PCDHB13: variants seen among roughly 807,000 people sequenced by gnomAD.
The protein encoded by PCDHB13 is protocadherin beta 13.
For synonymous variants in PCDHB13, 515 were observed against 450.7 expected, an observed-to-expected ratio of 1.14 and a Z score of -1.81; for missense variants, 1,065 against 1,016.7, an observed-to-expected ratio of 1.05 and a Z score of -0.65.
In PCDHB13 at chr5:141,214,929, A is replaced by T; in HGVS notation, c.806A>T (p.Asp269Val). 6.2e-7 allele frequency: 1 copy of T among 1,614,190 alleles called. No homozygotes were observed. Among genetic ancestry groups the T allele is most frequent in the Non-Finnish European group, 8.5e-7 (1 of 1,180,036 alleles). ...GFLVVKVSATDVDTGVNGEIS... is the reference protein window; with the variant it reads ...GFLVVKVSATVVDTGVNGEIS... Reference sequence around the variant, plus strand: ...CTGGTTGTGAAGGTCTCTGCCACGGATGTAGACACAGGAGTCAACGGAGAG... The same window carrying T: ...CTGGTTGTGAAGGTCTCTGCCACGGTTGTAGACACAGGAGTCAACGGAGAG... Residue 269 changes from aspartate (D) to valine (V), a missense_variant, in exon 1 of 1, where the codon GAT (aspartate) becomes GTT (valine). Asp to Val is a radical substitution (Grantham distance 152, BLOSUM62 -3). Transcript: ENST00000341948.
rs1588390141 is a variant in PCDHB13, at chr5:141,214,357, C to T, written c.234C>T (p.Leu78=). Residue 78 remains leucine, a synonymous_variant, in exon 1 of 1, where the codon CTC becomes CTT. Coordinates refer to ENST00000341948, the MANE Select transcript of PCDHB13 (RefSeq NM_018933.4). ...GAGGGAACAAACTACATTTGCAGCT[C>T]AATCAGGAGACCGCGGATTTGTTGC... ...VSRGNKLHLQ[L]NQETADLLLN... The T allele has an allele frequency of 7.2e-7, 1 of 1,386,062 alleles. No individual in the cohort carries two copies. Among genetic ancestry groups the T allele is most frequent in the Non-Finnish European group, 1.0e-6 (1 of 990,000 alleles). The allele number at this position is 1,386,062 out of a possible 1,614,324, so 85.9% of individuals were successfully genotyped here. A position where few individuals can be genotyped will look rare whatever the true frequency, so the allele number is the denominator to read the frequency against.
chr5:141,216,628 G>A lies in PCDHB13; in HGVS notation c.*108G>A. On this transcript the variant is annotated 3_prime_UTR_variant, in exon 1 of 1. Coordinates refer to ENST00000341948, the MANE Select transcript of PCDHB13 (RefSeq NM_018933.4). ...TGTAATATTGTACGGATTTACTCTT[G>A]ATTTTTCTCATGTTCTTTCTCCCTT... The A allele has an allele frequency of 1.0e-6, 1 of 990,814 alleles. No individual in the cohort carries two copies. The highest frequency in any genetic ancestry group is 1.6e-6 in the Non-Finnish European group (1 of 612,500). 61.4% of individuals were successfully genotyped at this position (990,814 alleles called of 1,614,324 possible). A position where few individuals can be genotyped will look rare whatever the true frequency, so the allele number is the denominator to read the frequency against.
rs1554288181 is a variant in PCDHB13 at position 141,216,316 on chromosome 5, C to G, written c.2193C>G (p.Pro731=). Residue 731 remains proline, a synonymous_variant, in exon 1 of 1, where the codon CCC becomes CCG. Transcript: ENST00000341948. ...SVGRCLVPEG[P]LPGHLVDMSG... ...GTCGCTGCTTGGTGCCCGAGGGCCC[C>G]CTTCCAGGGCATCTTGTGGACATGA... 5.0e-6 allele frequency: 8 copies of G among 1,614,132 alleles called. No individual in the cohort carries two copies. Among genetic ancestry groups the G allele is most frequent in the Non-Finnish European group, 6.8e-6 (8 of 1,180,020 alleles).
At position 141,216,473 on chromosome 5, in the gene PCDHB13, C is replaced by A; in HGVS notation, c.2350C>A (p.Gln784Lys). 1 of 1,614,032 alleles carries A rather than the reference C, an allele frequency of 6.2e-7. No homozygotes were observed. Among genetic ancestry groups the A allele is most frequent in the Non-Finnish European group, 8.5e-7 (1 of 1,180,002 alleles). Residue 784 changes from glutamine (Q) to lysine (K), a missense_variant, in exon 1 of 1, where the codon CAA becomes AAA. Transcript: ENST00000341948. ...TCCCCAGTGCCCTGGGAAAGAAATACAAGGAAATTCTACCTTCCCCAATAA... is the reference window on the plus strand; with the variant it reads ...TCCCCAGTGCCCTGGGAAAGAAATAAAAGGAAATTCTACCTTCCCCAATAA... The part of the protein sequence containing the change: ...FPPQCPGKEI[Q>K]GNSTFPNNFG...
rs990095682 is a variant in PCDHB13 at position 141,218,711 on chromosome 5, C to T, written c.*2191C>T. 3.8e-5 allele frequency: 6 copies of T among 157,146 alleles called. No individual in the cohort carries two copies. The highest frequency in any genetic ancestry group is 1.4e-4 in the African/African-American group (6 of 41,396). The allele number at this position is 157,146 out of a possible 1,614,324, so 9.7% of individuals were successfully genotyped here. A position where few individuals can be genotyped will look rare whatever the true frequency, so the allele number is the denominator to read the frequency against. ...GCGCGATCTCGGCTCACTGCAAGCT[C>T]CGCCTCCTGGGTTCCCGCCATTCTC... On this transcript the variant is annotated 3_prime_UTR_variant, in exon 1 of 1. Coordinates refer to ENST00000341948, the MANE Select transcript of PCDHB13 (RefSeq NM_018933.4).
rs1754556517 is a variant in PCDHB13, at chr5:141,215,070, A to G, written c.947A>G (p.Tyr316Cys). The change falls in exon 1 of 1, where the codon TAT (tyrosine) becomes TGT (cysteine). Residue 316 changes from tyrosine to cysteine, a missense_variant. Physicochemically the swap from Tyr to Cys is radical, Grantham distance 194. Coordinates refer to ENST00000341948, the MANE Select transcript of PCDHB13 (RefSeq NM_018933.4). ...KQLDFEKLQS[Y>C]EVNIEARDAG... ...CTCGATTTCGAAAAACTTCAGTCCT[A>G]TGAAGTCAATATTGAGGCAAGAGAT... 1.2e-5 allele frequency: 19 copies of G among 1,614,100 alleles called. No individual in the cohort carries two copies. Among genetic ancestry groups the G allele is most frequent in the Non-Finnish European group, 1.5e-5 (18 of 1,180,038 alleles).
In PCDHB13 at chr5:141,215,123, G is replaced by T. The variant is rs782354480; in HGVS notation, c.1000G>T (p.Val334Phe). 3.3e-5 allele frequency: 54 copies of T among 1,614,010 alleles called. No homozygotes were observed. The highest frequency in any genetic ancestry group is 2.2e-5 in the Non-Finnish European group (26 of 1,180,040). Residue 334 changes from valine (V) to phenylalanine (F), a missense_variant, in exon 1 of 1, where the codon GTT (valine) becomes TTT (phenylalanine). Val to Phe is a conservative substitution (Grantham distance 50, BLOSUM62 -1). Transcript: ENST00000341948. ...TGGAACCTTTTCTGGAAAATGCACC[G>T]TTCTGATTCAAGTGATAGATGTGAA... ...DAGTFSGKCT[V>F]LIQVIDVNDH...
In PCDHB13 at chr5:141,215,204, G is replaced by A. The variant is rs145748739; in HGVS notation, c.1081G>A (p.Ala361Thr). ...SAFTSPIPEN[A>T]PETVVALFSV... ...ATTTACCAGCCCAATACCTGAGAAC[G>A]CGCCTGAAACTGTGGTTGCACTTTT... Residue 361 changes from alanine (A) to threonine (T), a missense_variant, in exon 1 of 1, where the codon GCG (alanine) becomes ACG (threonine). Ala to Thr is a moderately conservative substitution (Grantham distance 58, BLOSUM62 0). Coordinates refer to ENST00000341948, the MANE Select transcript of PCDHB13 (RefSeq NM_018933.4). 3.4e-4 allele frequency: 547 copies of A among 1,614,134 alleles called. No homozygotes were observed. Among genetic ancestry groups the A allele is most frequent in the Non-Finnish European group, 4.5e-4 (527 of 1,180,042 alleles).
Position 141,214,410 on chromosome 5 carries a change from T to C in PCDHB13, c.287T>C (p.Leu96Pro). The C allele has an allele frequency of 2.1e-6, 3 of 1,425,074 alleles. No homozygotes were observed. The highest frequency in any genetic ancestry group is 3.0e-6 in the Non-Finnish European group (3 of 1,014,728). The allele number at this position is 1,425,074 out of a possible 1,614,324, so 88.3% of individuals were successfully genotyped here. A position where few individuals can be genotyped will look rare whatever the true frequency, so the allele number is the denominator to read the frequency against. ...AATGAGAAATTGGACCGTGAGGATCTGTGCGGTCACACAGAGCCCTGTGTG... is the reference window on the plus strand; with the variant it reads ...AATGAGAAATTGGACCGTGAGGATCCGTGCGGTCACACAGAGCCCTGTGTG... The part of the protein sequence containing the change: ...LLNEKLDRED[L>P]CGHTEPCVLR... The change falls in exon 1 of 1, where the codon CTG becomes CCG. Residue 96 changes from leucine (L) to proline (P), a missense_variant. Physicochemically the swap from Leu to Pro is moderately conservative, Grantham distance 98. Coordinates refer to ENST00000341948, the MANE Select transcript of PCDHB13 (RefSeq NM_018933.4).
rs376494523 is a variant in PCDHB13 at position 141,215,432 on chromosome 5, A to T, written c.1309A>T (p.Met437Leu). ...GTPMLITQLNMTVLIADVNDN... is the reference protein window; with the variant it reads ...GTPMLITQLNLTVLIADVNDN... ...CCCTATGCTGATAACACAGCTCAAT[A>T]TGACCGTGCTGATCGCCGATGTCAA... Residue 437 changes from methionine to leucine, a missense_variant, in exon 1 of 1, where the codon ATG becomes TTG. By Grantham distance (15) the Met-to-Leu change is conservative. Coordinates refer to ENST00000341948, the MANE Select transcript of PCDHB13 (RefSeq NM_018933.4). 1.7e-4 allele frequency: 273 copies of T among 1,614,010 alleles called. 1 individual carries two copies. The highest frequency in any genetic ancestry group is 1.6e-3 in the Middle Eastern group (10 of 6,084).
rs2910332 is a variant in PCDHB13, at chr5:141,216,590, C to T, written c.*70C>T. 0.15 allele frequency: 187,642 copies of T among 1,248,140 alleles called. 15,650 individuals are homozygous for T. The highest frequency in any genetic ancestry group is 0.19 in the Middle Eastern group (1,012 of 5,388). 77.3% of individuals were successfully genotyped at this position (1,248,140 alleles called of 1,614,324 possible). A position where few individuals can be genotyped will look rare whatever the true frequency, so the allele number is the denominator to read the frequency against. On this transcript the variant is annotated 3_prime_UTR_variant, in exon 1 of 1. Transcript: ENST00000341948. ...TTTCCATGCCAATGTTTATTTCCCC[C>T]AATTTGTGTGTATGTAATATTGTAC...
Position 141,215,682 on chromosome 5 carries a change from A to G in PCDHB13, c.1559A>G (p.Asp520Gly). The G allele has an allele frequency of 9.3e-6, 15 of 1,613,134 alleles. No individual in the cohort carries two copies. The highest frequency in any genetic ancestry group is 1.3e-5 in the African/African-American group (1 of 75,052). The change falls in exon 1 of 1, where the codon GAC becomes GGC. Residue 520 changes from aspartate to glycine, a missense_variant. Asp to Gly is a moderately conservative substitution (Grantham distance 94). Coordinates refer to ENST00000341948, the MANE Select transcript of PCDHB13 (RefSeq NM_018933.4). ...NGHLFALRSL[D>G]YEALQGFQFR... ...CACCTGTTCGCCCTCAGGTCTCTGG[A>G]CTACGAGGCCCTGCAGGGGTTCCAG...
rs1754559418 is a variant in PCDHB13, at chr5:141,215,152, C to T, written c.1029C>T (p.Asp343=). ...TVLIQVIDVN[D]HAPEVTMSAF... is the part of the protein sequence containing the mutation. The stretch of plus-strand genomic sequence containing the variant: ...TGATTCAAGTGATAGATGTGAACGA[C>T]CATGCCCCAGAAGTTACCATGTCTG... The change falls in exon 1 of 1, where the codon GAC becomes GAT. Residue 343 remains aspartate, a synonymous_variant. Transcript: ENST00000341948. 6.2e-7 allele frequency: 1 copy of T among 1,614,054 alleles called. No homozygotes were observed. Among genetic ancestry groups the T allele is most frequent in the South Asian group, 1.1e-5 (1 of 91,086 alleles).
chr5:141,214,255 C>G lies in PCDHB13; in HGVS notation c.132C>G (p.Ser44=). Residue 44 remains serine (S), a synonymous_variant, in exon 1 of 1, where the codon TCC becomes TCG. Coordinates refer to ENST00000341948, the MANE Select transcript of PCDHB13 (RefSeq NM_018933.4). ...YSVVEETEGS[S]FVTNLAKDLG... ...TGGTGGAGGAAACTGAGGGCAGCTC[C>G]TTTGTCACCAATTTAGCAAAGGACC... is the stretch of plus-strand genomic sequence containing the variant. 1 of 1,583,746 alleles carries G rather than the reference C, an allele frequency of 6.3e-7. No homozygotes were observed. The highest frequency in any genetic ancestry group is 1.4e-5 in the African/African-American group (1 of 72,762).
At position 141,216,396 on chromosome 5, in the gene PCDHB13, G is replaced by C. The variant is rs1754616003; in HGVS notation, c.2273G>C (p.Gly758Ala). The change falls in exon 1 of 1, where the codon GGC (glycine) becomes GCC (alanine). Residue 758 changes from glycine to alanine, a missense_variant. Coordinates refer to ENST00000341948, the MANE Select transcript of PCDHB13 (RefSeq NM_018933.4). ...SYQYEVCLAG[G>A]SGTNEFKFLK... ...CAGTATGAGGTGTGTCTGGCAGGAG[G>C]CTCAGGGACCAATGAGTTCAAGTTC... is the stretch of plus-strand genomic sequence containing the variant. The C allele has an allele frequency of 1.2e-6, 2 of 1,614,036 alleles. No individual in the cohort carries two copies. Among genetic ancestry groups the C allele is most frequent in the African/African-American group, 2.7e-5 (2 of 74,910 alleles).
rs1554287975 is a variant in PCDHB13, at chr5:141,215,629, C to T, written c.1506C>T (p.Ser502=). Reference sequence around the variant, plus strand: ...AGGACCCGCACCTGCCCCTCACATCCCTGGTCTCCATCAACGCGGACAACG... The same window carrying T: ...AGGACCCGCACCTGCCCCTCACATCTCTGGTCTCCATCAACGCGGACAACG... The part of the protein sequence containing the change: ...PPQDPHLPLT[S]LVSINADNGH... The change falls in exon 1 of 1, where the codon TCC becomes TCT. Residue 502 remains serine, a synonymous_variant. Coordinates refer to ENST00000341948, the MANE Select transcript of PCDHB13 (RefSeq NM_018933.4). 2 of 1,613,500 alleles carry T rather than the reference C, an allele frequency of 1.2e-6. No homozygotes were observed. The highest frequency in any genetic ancestry group is 2.2e-5 in the South Asian group (2 of 91,038).
In PCDHB13 at chr5:141,214,665, T is replaced by A; in HGVS notation, c.542T>A (p.Val181Asp). ...ATCAGCCCCAACTCCTATTTTCGGG[T>A]CCTCACCCGCAAACGCAGTGATGGC... ...YIISPNSYFR[V>D]LTRKRSDGRK... is the part of the protein sequence containing the mutation. The change falls in exon 1 of 1, where the codon GTC (valine) becomes GAC (aspartate). Residue 181 changes from valine (V) to aspartate (D), a missense_variant. Coordinates refer to ENST00000341948, the MANE Select transcript of PCDHB13 (RefSeq NM_018933.4). 5 of 1,614,074 alleles carry A rather than the reference T, an allele frequency of 3.1e-6. No individual in the cohort carries two copies. The highest frequency in any genetic ancestry group is 4.2e-6 in the Non-Finnish European group (5 of 1,180,030).
chr5:141,214,159 G>T lies in PCDHB13; in HGVS notation c.36G>T (p.Arg12Ser). 6.2e-7 allele frequency: 1 copy of T among 1,613,752 alleles called. No homozygotes were observed. The highest frequency in any genetic ancestry group is 8.5e-7 in the Non-Finnish European group (1 of 1,179,924). ...EASGKLICRQ[R>S]QVLFSFLLLG... ...GCGGGAAGCTCATTTGCAGACAAAGGCAAGTCCTTTTTTCCTTTCTCCTTT... is the reference window on the plus strand; with the variant it reads ...GCGGGAAGCTCATTTGCAGACAAAGTCAAGTCCTTTTTTCCTTTCTCCTTT... Residue 12 changes from arginine (R) to serine (S), a missense_variant, in exon 1 of 1, where the codon AGG becomes AGT. Arg to Ser is a moderately radical substitution (Grantham distance 110, BLOSUM62 -1). Transcript: ENST00000341948.
rs1554287717 is a variant in PCDHB13 at position 141,214,806 on chromosome 5, A to AGGT, written c.684_686dup (p.Val229dup). On this transcript the variant is annotated inframe_insertion, in exon 1 of 1. Transcript: ENST00000341948. ...TCTCCGCCCAGATCTGGCACTGCTC[A>AGGT]GGTCTACATCGAAGTCCTGGATGTC... is the stretch of plus-strand genomic sequence containing the variant. 1 of 1,614,252 alleles carries AGGT rather than the reference A, an allele frequency of 6.2e-7. No homozygotes were observed. The highest frequency in any genetic ancestry group is 2.2e-5 in the East Asian group (1 of 44,892).
Sources: gnomAD v4.1 joint callset for allele counts on GRCh38, gnomAD v4.1.1 for gene constraint, MANE v1.5 for transcripts, NCBI Gene and HGNC (gene_info 2026-07-23, HGNC 2026-07-21) for gene names.